Variants in STAMBPL1 observed in about 807,000 individuals in gnomAD.
STAMBPL1 encodes STAM binding protein like 1.
Under a neutral mutation model 52.9 loss-of-function variants are expected in STAMBPL1, and 44 were observed. The ratio of observed to expected loss-of-function variants is 0.83; its 90% CI spans 0.65 to 1.07. The LOEUF (loss-of-function observed/expected upper bound fraction) is 1.07. STAMBPL1 is among the 50% of genes least tolerant of loss of function. The pLI is 0.00. For synonymous variants in STAMBPL1, 164 were observed against 177.3 expected (o/e 0.92, Z 0.60); for missense variants, 511 against 520.8 (o/e 0.98, Z 0.18).
In STAMBPL1 at chr10:88,905,661, G is replaced by A. The variant is rs769194573; in HGVS notation, c.248+1G>A. The A allele has an allele frequency of 1.5e-5, 24 of 1,611,086 alleles. No homozygotes were observed. The highest frequency in any genetic ancestry group is 1.9e-5 in the Non-Finnish European group (22 of 1,177,954). The stretch of plus-strand genomic sequence containing the variant: ...TTGTTCTTTATAATAAATTTATAAC[G>A]TAAGTGTTTTAAAGGCCTCTGAAGT... On this transcript the variant is annotated splice_donor_variant, in intron 3 of 10. Coordinates refer to ENST00000371926, the MANE Select transcript of STAMBPL1 (RefSeq NM_020799.4). LOFTEE classifies it high-confidence loss of function.
At chr10:88,908,677 TA>T in intron 3 of STAMBPL1, 24 bp from the exon 4 acceptor site, 1 of 1,596,192 alleles carries the variant, frequency 6.3e-7, no homozygotes, top group Non-Finnish European at 8.5e-7. Context: ...CACATAATGC[TA>T]AGGACATGTT....
chr10:88,883,989 G>A (rs547937866), intron 1 of STAMBPL1, among the ~76,000 whole-genome samples: 74 of 152,184 alleles, frequency 4.9e-4, no homozygotes, highest in African/African-American at 1.5e-3. Flanking sequence ...TGACAGATTA[G>A]AAAGCTATCT....
chr10:88,905,353 C>A, intron 2 of STAMBPL1, 90 bp from the exon 3 acceptor site: 1 of 974,084 alleles, frequency 1.0e-6, no homozygotes, highest in Non-Finnish European at 1.6e-6. Context: ...GTGTTAGGTT[C>A]CTCATAAAGA....
intron 10 of STAMBPL1, 69 bp from the exon 11 acceptor site, chr10:88,923,099 A>G: frequency 3.5e-6 from 4 of 1,145,130 alleles, no homozygotes; most frequent in Non-Finnish European, 5.1e-6. Context: ...CTTCCTCCCT[A>G]AAGAAAATCA....
At chr10:88,897,231 G>C (rs1307388712) in intron 1 of STAMBPL1, among the ~76,000 whole-genome samples, 1 of 152,206 alleles carries the variant, frequency 6.6e-6, no homozygotes, top group Non-Finnish European at 1.5e-5. Context: ...CGACTGCTCA[G>C]TTGGTTCTGG....
chr10:88,905,970 T>A (rs1845063401), intron 3 of STAMBPL1, among the ~76,000 whole-genome samples: 1 of 152,140 alleles, frequency 6.6e-6, no homozygotes, highest in African/African-American at 2.4e-5. Flanking sequence ...TTTCATGCGA[T>A]TTTCCCCGAC....
In STAMBPL1 at chr10:88,923,177, CAT is replaced by C. The variant is rs1564637223; in HGVS notation, c.1265_1266del (p.His422ArgfsTer39). 5 of 1,603,704 alleles carry C rather than the reference CAT, an allele frequency of 3.1e-6. No individual in the cohort carries two copies. Among genetic ancestry groups the C allele is most frequent in the East Asian group, 2.3e-5 (1 of 44,084 alleles). ...ATTTTTTCTTTCCTAGATATGCAAA[CAT>C]GTGTTGGTAAAAGACATAAAAATAA... ...KEPRLFSICK[H>X]VLVKDIKIIV... On this transcript the variant is annotated frameshift_variant, in exon 11 of 11. Coordinates refer to ENST00000371926, the MANE Select transcript of STAMBPL1 (RefSeq NM_020799.4). LOFTEE classifies it high-confidence loss of function.
intron 2 of STAMBPL1, among the ~76,000 whole-genome samples, chr10:88,904,153 T>C (rs1358996197): frequency 6.6e-6 from 1 of 152,206 alleles, no homozygotes; most frequent in Admixed American, 6.5e-5. Flanking sequence ...TACCCTTAAC[T>C]GACCAAGGCG....
At chr10:88,911,165 T>A (rs1473773168) in intron 5 of STAMBPL1, among the ~76,000 whole-genome samples, 154 bp downstream of exon 5, 1 of 152,250 alleles carries the variant, frequency 6.6e-6, no homozygotes, top group Non-Finnish European at 1.5e-5. Flanking sequence ...TTTATGCTGA[T>A]ATCCAGGTTA....
At chr10:88,918,433 T>C (rs1328822726) in intron 8 of STAMBPL1, among the ~76,000 whole-genome samples, 1 of 152,116 alleles carries the variant, frequency 6.6e-6, no homozygotes, top group Non-Finnish European at 1.5e-5. Flanking sequence ...TAGCCTCATT[T>C]CCAGATTTCC....
At chr10:88,887,634 T>G (rs1279201594) in intron 1 of STAMBPL1, among the ~76,000 whole-genome samples, 2 of 152,230 alleles carry the variant, frequency 1.3e-5, no homozygotes, top group Admixed American at 1.3e-4. Flanking sequence ...GTTCAAGCGA[T>G]TAGCCTTCTA....
intron 3 of STAMBPL1, 107 bp from the exon 4 acceptor site, chr10:88,908,595 G>GT: frequency 1.1e-6 from 1 of 890,438 alleles, no homozygotes; most frequent in South Asian, 1.6e-5. Flanking sequence ...AAATGAATAA[G>GT]TTATTAAACA....
chr10:88,903,815 C>T (rs1289432821), intron 2 of STAMBPL1, among the ~76,000 whole-genome samples: 2 of 152,130 alleles, frequency 1.3e-5, no homozygotes, highest in East Asian at 3.8e-4. Flanking sequence ...TGTGGGGAAG[C>T]CACGTAATAA....
chr10:88,898,713 T>C (rs1284384486), intron 1 of STAMBPL1, among the ~76,000 whole-genome samples: 1 of 152,222 alleles, frequency 6.6e-6, no homozygotes, highest in Non-Finnish European at 1.5e-5. Context: ...ATATAGAAGC[T>C]CATTACAGAG....
intron 5 of STAMBPL1, among the ~76,000 whole-genome samples, chr10:88,911,638 C>A (rs1001538201): frequency 6.6e-6 from 1 of 152,118 alleles, no homozygotes; most frequent in Non-Finnish European, 1.5e-5. Context: ...TGTTATTTTG[C>A]TTTTTTGTTT....
At position 88,923,394 on chromosome 10, in the gene STAMBPL1, T is replaced by C. The variant is rs1845564091; in HGVS notation, c.*170T>C. The C allele has an allele frequency of 7.3e-7, 1 of 1,368,276 alleles. No individual in the cohort carries two copies. The highest frequency in any genetic ancestry group is 9.4e-7 in the Non-Finnish European group (1 of 1,067,432). 84.8% of individuals were successfully genotyped at this position (1,368,276 alleles called of 1,614,324 possible). On this transcript the variant is annotated 3_prime_UTR_variant, in exon 11 of 11. Coordinates refer to ENST00000371926, the MANE Select transcript of STAMBPL1 (RefSeq NM_020799.4). ...CACATTTTAAAGTTTTCTTTTTGGG[T>C]TGCTCTGTGTCAAGAGAGGTTACAT... is the stretch of plus-strand genomic sequence containing the variant.
intron 1 of STAMBPL1, among the ~76,000 whole-genome samples, chr10:88,894,588 T>C (rs1844766716): frequency 6.6e-6 from 1 of 152,228 alleles, no homozygotes; most frequent in Admixed American, 6.5e-5. Context: ...TTTCATTCTG[T>C]AAATAATCTC....
At chr10:88,917,130 G>A (rs1317715339) in intron 8 of STAMBPL1, among the ~76,000 whole-genome samples, 1 of 152,156 alleles carries the variant, frequency 6.6e-6, no homozygotes, top group African/African-American at 2.4e-5. Flanking sequence ...AAGAAAGCGA[G>A]TAACATTTGG....
rs760206830 is a variant in STAMBPL1 at position 88,916,803 on chromosome 10, C to G, written c.1027C>G (p.Leu343Val). The G allele has an allele frequency of 2.5e-6, 4 of 1,597,504 alleles. No homozygotes were observed. The highest frequency in any genetic ancestry group is 1.3e-5 in the African/African-American group (1 of 74,140). The change falls in exon 8 of 11, where the codon CTA becomes GTA. Residue 343 changes from leucine to valine, a missense_variant. Physicochemically the swap from Leu to Val is conservative, Grantham distance 32. This residue lies in a region of STAMBPL1 where 137 missense variants were observed against 139.9 expected (regional missense o/e 0.98). Coordinates refer to ENST00000371926, the MANE Select transcript of STAMBPL1 (RefSeq NM_020799.4). ...TCAGGATCAACATGATCTCCTCACT[C>G]TAGGATGGATCCATGTACGTTTGAC... ...NVQDQHDLLT[L>V]GWIHTHPTQT... is the part of the protein sequence containing the mutation.
Sources: allele counts gnomAD v4.1 joint callset (sites outside exome capture counted in the v4.1 genomes callset), GRCh38; gene constraint gnomAD v4.1.1; regional missense constraint gnomAD v4.1.1; transcripts MANE v1.5; gene names NCBI Gene and HGNC (gene_info 2026-07-23, HGNC 2026-07-21).